The following C4orf50 variants were observed in gnomAD, a reference collection of about 807,000 sequenced individuals.
The protein encoded by C4orf50 is uncharacterized protein C4orf50.
C4orf50 carries 80 observed loss-of-function variants against 77.2 expected under a neutral mutation model. That is an observed-to-expected ratio of 1.04 (90% confidence interval 0.87 to 1.25). The LOEUF is 1.25. Among genes scored for constraint, C4orf50 ranks in the 50% most tolerant of loss-of-function variants. C4orf50 has a pLI of 0.00. For synonymous variants in C4orf50, 532 were observed against 465.3 expected, an observed-to-expected ratio of 1.14 and a Z score of -1.84; for missense variants, 1,257 against 1,152.9, an observed-to-expected ratio of 1.09 and a Z score of -1.31.
At chr4:5,897,770 C>G (rs139287692) in exon 8 of C4orf50, 1 of 152,196 alleles carries the variant, frequency 6.6e-6, no homozygotes, top group African/African-American at 2.4e-5. Context: ...GGGTTGAGCC[C>G]GACCCACAAC....
At chr4:5,924,670 G>T (rs920509719) in intron 7 of C4orf50, among the ~76,000 whole-genome samples, 11 of 152,234 alleles carry the variant, frequency 7.2e-5, no homozygotes, top group African/African-American at 2.7e-4. Flanking sequence ...CGCCTCTCTC[G>T]GGGAGGAAGG....
In C4orf50 at chr4:6,007,796, T is replaced by C. The variant is rs1397370732; in HGVS notation, c.963+200A>G. 1.7e-5 allele frequency among the ~76,000 whole-genome samples: 2 copies of C among 120,952 alleles called. No individual in the cohort carries two copies. Among genetic ancestry groups the C allele is most frequent in the Admixed American group, 1.2e-4 (1 of 8,422 alleles). 79.3% of individuals were successfully genotyped at this position (120,952 alleles called of 152,430 possible). ...GATGGGTAATGAGGTGGGCGTGCACTGAATGAGTATGTGAGGTTAGATGGG... is the reference window on the plus strand; with the variant it reads ...GATGGGTAATGAGGTGGGCGTGCACCGAATGAGTATGTGAGGTTAGATGGG... On this transcript the variant is annotated intron_variant, in intron 25 of 33. Transcript: ENST00000531445. The surrounding 1 kb of genome is among the most constrained non-coding windows in gnomAD (Gnocchi z 4.1).
intron 7 of C4orf50, chr4:5,898,836 AC>A (rs2152479264): frequency 6.6e-6 from 1 of 152,302 alleles, no homozygotes; most frequent in South Asian, 2.1e-4. Context: ...GTTTTCAGAG[AC>A]AAAAAAAAAT....
At chr4:5,988,287 G>T in intron 28 of C4orf50, 60 bp downstream of exon 6, 1 of 1,569,000 alleles carries the variant, frequency 6.4e-7, no homozygotes, top group African/African-American at 1.4e-5. Context: ...TAAGTGAATG[G>T]GGTGGCCCCC....
intron 25 of C4orf50, among the ~76,000 whole-genome samples, chr4:6,003,788 G>GAT: frequency 7.0e-6 from 1 of 143,240 alleles, no homozygotes; most frequent in East Asian, 2.1e-4. Flanking sequence ...TGATGGTGAT[G>GAT]GTGATGATGG....
chr4:5,904,268 T>C (rs1032429592), intron 7 of C4orf50: 3 of 152,340 alleles, frequency 2.0e-5, no homozygotes, highest in African/African-American at 4.8e-5. Context: ...AGGGAAATGG[T>C]GTCAGAGGAA....
Position 6,000,845 on chromosome 4 carries a change from A to G in C4orf50, c.964-6369T>C, listed in dbSNP as rs1721798918. Among the ~76,000 whole-genome samples the G allele has an allele frequency of 6.6e-6, 1 of 152,156 alleles. No individual in the cohort carries two copies. The highest frequency in any genetic ancestry group is 1.5e-5 in the Non-Finnish European group (1 of 68,030). On this transcript the variant is annotated intron_variant, in intron 25 of 33. Coordinates refer to ENST00000531445, the Ensembl canonical transcript of C4orf50. The surrounding 1 kb of genome is among the most constrained non-coding windows in gnomAD (Gnocchi z 6.0). ...TCACCAAAGGGCAAATCCTGGTCCC[A>G]CCATATTACCGTCTGAATTTTCATG...
intron 28 of C4orf50, among the ~76,000 whole-genome samples, chr4:5,983,867 TC>T (rs75289637): frequency 0.062 from 9,412 of 152,278 alleles, 392 homozygotes; most frequent in East Asian, 0.19. Context: ...CCAAATACTG[TC>T]CTAGAAATGC....
intron 31 of C4orf50, among the ~76,000 whole-genome samples, chr4:5,971,186 C>CA (rs1391593770): frequency 1.3e-5 from 2 of 152,240 alleles, no homozygotes; most frequent in African/African-American, 4.8e-5. Context: ...GCCATCCTGG[C>CA]AGTCCTCCTG....
rs542664791 is a variant in C4orf50 at position 6,015,577 on chromosome 4, T to C, written c.287+2568A>G. Among the ~76,000 whole-genome samples the C allele has an allele frequency of 8.5e-5, 13 of 152,136 alleles. No individual in the cohort carries two copies. The South Asian group carries it at 1.0e-3, about 12-fold the overall frequency. On this transcript the variant is annotated intron_variant, in intron 23 of 33. Transcript: ENST00000531445. The surrounding 1 kb of genome is among the most constrained non-coding windows in gnomAD (Gnocchi z 4.4). ...ATGTGGAGTTTGCCCATTCTCCCCA[T>C]GTCTGTGTGGGCTTTCTCGGGGTAC...
At chr4:5,910,256 G>A (rs726111) in intron 7 of C4orf50, among the ~76,000 whole-genome samples, 58,611 of 152,028 alleles carry the variant, frequency 0.39, 14,040 homozygotes, top group East Asian at 0.74. Context: ...GCTGACCAAG[G>A]ACAGGTTAAA....
rs540530495 is a variant in C4orf50, at chr4:5,967,798, GA to G, written c.4105-337del. ...TTTTAATGAGGACATCCAGTGCTCT[GA>G]TGTCTCCCCTGGGGCCCCTGATTCA... On this transcript the variant is annotated intron_variant, in intron 31 of 33. Transcript: ENST00000531445. Among the ~76,000 whole-genome samples, 11 of 152,360 alleles carry G rather than the reference GA, an allele frequency of 7.2e-5. No individual in the cohort carries two copies. In the South Asian group the frequency reaches 1.9e-3, roughly 26 times the overall value.
intron 30 of C4orf50, among the ~76,000 whole-genome samples, chr4:5,974,100 A>G (rs1164751056): frequency 1.3e-5 from 2 of 152,140 alleles, no homozygotes; most frequent in Non-Finnish European, 2.9e-5. Flanking sequence ...AGGGGTCAAG[A>G]GCGTGGATTT....
Position 5,959,536 on chromosome 4 carries a change from C to G in C4orf50, c.4366G>C (p.Glu1456Gln), listed in dbSNP as rs142272510. Residue 1456 changes from glutamate to glutamine, a missense_variant, in exon 34 of 34, where the codon GAA becomes CAA. Transcript: ENST00000531445. ...GCAGGACAGGGCATTCCGCCTTTTT[C>G]TTGCAGACGTTGTGCGGGGAGACCT... 3.3e-5 allele frequency: 53 copies of G among 1,614,080 alleles called. No individual in the cohort carries two copies. The African/African-American group carries it at 6.9e-4, about 21-fold the overall frequency.
At chr4:5,987,864 G>A (rs1720964568) in intron 28 of C4orf50, among the ~76,000 whole-genome samples, 1 of 152,198 alleles carries the variant, frequency 6.6e-6, no homozygotes, top group Non-Finnish European at 1.5e-5. Context: ...AAGTCTGCAT[G>A]TGGCCTAAAA....
At chr4:5,978,314 G>A (rs924580129) in intron 29 of C4orf50, among the ~76,000 whole-genome samples, 1 of 152,060 alleles carries the variant, frequency 6.6e-6, no homozygotes, top group Admixed American at 6.5e-5. Context: ...TCATAAAACT[G>A]AGAACTATAA....
chr4:5,934,784 T>C (rs887535340), intron 7 of C4orf50, among the ~76,000 whole-genome samples: 14 of 152,218 alleles, frequency 9.2e-5, no homozygotes, highest in African/African-American at 3.4e-4. Flanking sequence ...ATCATAAAAA[T>C]GCCAACAGCT....
At chr4:5,990,618 A>C (rs2108792176) in exon 28 of C4orf50, 1 of 399,124 alleles carries the variant, frequency 2.5e-6, no homozygotes, top group African/African-American at 2.1e-5. Flanking sequence ...GTGGTCGCCA[A>C]GAAGCGGAGT....
exon 34 of C4orf50, chr4:5,959,527 C>T (rs115887613): frequency 6.2e-6 from 10 of 1,614,140 alleles, no homozygotes; most frequent in Middle Eastern, 3.3e-4. Flanking sequence ...CAGGGCATTC[C>T]GCCTTTTTCT....
Sources: allele counts gnomAD v4.1 joint callset (sites outside exome capture counted in the v4.1 genomes callset), GRCh38; gene constraint gnomAD v4.1.1; non-coding constraint Gnocchi (gnomAD v3.1); transcripts MANE v1.5; gene names NCBI Gene and HGNC (gene_info 2026-07-23, HGNC 2026-07-21).